ARHGAP4: variants seen among roughly 807,000 people sequenced by gnomAD.
The protein encoded by ARHGAP4 is rho GTPase-activating protein 4.
In ARHGAP4, 25 loss-of-function variants were observed where a neutral mutation model predicts 67.6. The observed-to-expected ratio is 0.37, with a 90% CI of 0.27 to 0.52. ARHGAP4 has a LOEUF of 0.52. Ranked by LOEUF, ARHGAP4 falls within the 20% of genes least tolerant of loss-of-function variation. The pLI is 0.92. For missense variants in ARHGAP4, 804 were observed against 854.6 expected, an observed-to-expected ratio of 0.94 and a Z score of 0.74; for synonymous variants, 448 against 373.7, an observed-to-expected ratio of 1.20 and a Z score of -2.29.
rs368339773 is a variant in ARHGAP4 at position 153,926,107 on chromosome X, C to T, written c.67+29G>A. 8 of 1,198,272 alleles carry T rather than the reference C, an allele frequency of 6.7e-6. No individual in the cohort carries two copies. The East Asian group carries it at 9.1e-5, about 14-fold the overall frequency. ...ACGACCTTGGGTTCTCCGCAGGAAACGGGCCGGGAGCGCCCGGCGCCCTCT... is the reference window on the plus strand; with the variant it reads ...ACGACCTTGGGTTCTCCGCAGGAAATGGGCCGGGAGCGCCCGGCGCCCTCT... On this transcript the variant is annotated intron_variant, in intron 1 of 21. Coordinates refer to ENST00000350060, the MANE Select transcript of ARHGAP4 (RefSeq NM_001666.5).
rs549301187 is a variant in ARHGAP4 at position 153,910,025 on chromosome X, G to A, written c.2217C>T (p.Pro739=). 1.5e-5 allele frequency: 18 copies of A among 1,209,887 alleles called. No homozygotes were observed. Among genetic ancestry groups the A allele is most frequent in the African/African-American group, 5.2e-5 (3 of 57,332 alleles). ...CATCGCCCTCACCATCCTCCTGTGC[G>A]GGCATCTCGGCTTCCAGCTCCGGCT... ...DNEPELEAEM[P]AQEDDLEGVV... is the part of the protein sequence containing the mutation. Residue 739 remains proline (P), a synonymous_variant, in exon 18 of 22, where the codon CCC becomes CCT. Coordinates refer to ENST00000350060, the MANE Select transcript of ARHGAP4 (RefSeq NM_001666.5).
rs782702634 is a variant in ARHGAP4 at position 153,913,288 on chromosome X, A to G, written c.1341T>C (p.Tyr447=). Residue 447 remains tyrosine, a synonymous_variant, in exon 10 of 22, where the codon TAT becomes TAC. Coordinates refer to ENST00000350060, the MANE Select transcript of ARHGAP4 (RefSeq NM_001666.5). ...ETFYLTKLQE[Y]LSGRSILAKL... ...TGGCGAGGATGCTCCGTCCACTCAGATACTCCTGGAGCTTCTGGGCAGCCC... is the reference window on the plus strand; with the variant it reads ...TGGCGAGGATGCTCCGTCCACTCAGGTACTCCTGGAGCTTCTGGGCAGCCC... 2 of 1,180,114 alleles carry G rather than the reference A, an allele frequency of 1.7e-6. No homozygotes were observed. The highest frequency in any genetic ancestry group is 2.3e-6 in the Non-Finnish European group (2 of 879,859).
chrX:153,921,246 G>C lies in ARHGAP4; in HGVS notation c.436-87C>G, dbSNP rs1329688293. The C allele has an allele frequency of 3.4e-6, 4 of 1,177,943 alleles. No individual in the cohort carries two copies. In the Admixed American group the frequency reaches 6.9e-5, roughly 20 times the overall value. ...GCTCTGCCCAGATCAAGCCCCATCGGGGGGGCACACAGGTTCGCTCTGCCT... is the reference window on the plus strand; with the variant it reads ...GCTCTGCCCAGATCAAGCCCCATCGCGGGGGCACACAGGTTCGCTCTGCCT... On this transcript the variant is annotated intron_variant, in intron 3 of 21. Transcript: ENST00000350060.
chrX:153,921,180 G>A lies in ARHGAP4; in HGVS notation c.436-21C>T, dbSNP rs781784799. On this transcript the variant is annotated intron_variant, in intron 3 of 21. Transcript: ENST00000350060. ...CTGCTCTAGAGGCAGAGGCAAGGGTGAGCACGGCACTGCCCAGAGCGGCCC... is the reference window on the plus strand; with the variant it reads ...CTGCTCTAGAGGCAGAGGCAAGGGTAAGCACGGCACTGCCCAGAGCGGCCC... 10 of 1,193,020 alleles carry A rather than the reference G, an allele frequency of 8.4e-6. No individual in the cohort carries two copies. The South Asian group carries it at 1.8e-4, about 22-fold the overall frequency.
At position 153,924,186 on chromosome X, in the gene ARHGAP4, C is replaced by A. The variant is rs1162997982; in HGVS notation, c.67+1950G>T. Reference sequence around the variant, plus strand: ...GGAGCCTGCCCTGCCCTGCTTCCCCCAGAGGAATACAATCCCTGGGGACTT... The same window carrying A: ...GGAGCCTGCCCTGCCCTGCTTCCCCAAGAGGAATACAATCCCTGGGGACTT... On this transcript the variant is annotated intron_variant, in intron 1 of 21. Transcript: ENST00000350060. Among the ~76,000 whole-genome samples, 13 of 112,109 alleles carry A rather than the reference C, an allele frequency of 1.2e-4. No homozygotes were observed. In the East Asian group the frequency reaches 2.5e-3, roughly 22 times the overall value.
chrX:153,909,836 C>T lies in ARHGAP4; in HGVS notation c.2319G>A (p.Leu773=). 16 of 1,202,213 alleles carry T rather than the reference C, an allele frequency of 1.3e-5. No individual in the cohort carries two copies. The highest frequency in any genetic ancestry group is 1.8e-5 in the Non-Finnish European group (16 of 891,256). The change falls in exon 19 of 22, where the codon CTG becomes CTA. Residue 773 remains leucine, a synonymous_variant. Transcript: ENST00000350060. ...QELSFRRGDV[L]RLHERASSDW... ...CGCTCGAGGCCCTCTCGTGCAGCCGCAGTACGTCCCCCCGCCGGAAGCTCA... is the reference window on the plus strand; with the variant it reads ...CGCTCGAGGCCCTCTCGTGCAGCCGTAGTACGTCCCCCCGCCGGAAGCTCA...
chrX:153,913,920 G>C, intron 7 of ARHGAP4, 41 bp from the exon 8 acceptor site: 1 of 1,145,504 alleles, frequency 8.7e-7, no homozygotes. Flanking sequence ...GCTGGGCTTG[G>C]GCAGTAGGTG....
At chrX:153,908,734 G>C (rs1398291460) in intron 21 of ARHGAP4, among the ~76,000 whole-genome samples, 1 of 111,715 alleles carries the variant, frequency 9.0e-6, no homozygotes, top group Non-Finnish European at 1.9e-5. Context: ...CTGCCCTGGA[G>C]TCCCTTGCCT....
intron 21 of ARHGAP4, 96 bp from the exon 22 acceptor site, chrX:153,908,058 C>T (rs1252051064): frequency 2.8e-5 from 21 of 744,198 alleles, no homozygotes; most frequent in Non-Finnish European, 3.9e-5. Flanking sequence ...CAAAGCAAGC[C>T]CTCAGCCAAC....
At chrX:153,913,192 G>C (rs373212160) in intron 10 of ARHGAP4, 26 bp downstream of exon 10, 2 of 1,163,604 alleles carry the variant, frequency 1.7e-6, no homozygotes, top group Non-Finnish European at 2.3e-6. Flanking sequence ...GGGGAGAGGC[G>C]GGGAAGGGGG....
chrX:153,920,644 T>C lies in ARHGAP4; in HGVS notation c.663A>G (p.Gly221=). Residue 221 remains glycine, a synonymous_variant, in exon 5 of 22, where the codon GGA becomes GGG. Transcript: ENST00000350060. ...GGCCCACCTTCTCCACCAGCCTCCC[T>C]CCCTTCTTGAGGGAGCTCTTGCGGA... The part of the protein sequence containing the change: ...GPLRKSSLKK[G]GRLVEKRQAK... The C allele has an allele frequency of 2.5e-6, 3 of 1,206,890 alleles. No homozygotes were observed. The highest frequency in any genetic ancestry group is 3.4e-6 in the Non-Finnish European group (3 of 892,864).
At chrX:153,911,041 C>T in intron 13 of ARHGAP4, 42 bp from the exon 14 acceptor site, 1 of 1,164,292 alleles carries the variant, frequency 8.6e-7, no homozygotes, top group East Asian at 3.3e-5. Flanking sequence ...AGCATCTTCC[C>T]CAGCCCCTCC....
Position 153,909,722 on chromosome X carries a change from G to C in ARHGAP4, c.2414+19C>G. The C allele has an allele frequency of 8.5e-7, 1 of 1,172,794 alleles. No individual in the cohort carries two copies. The highest frequency in any genetic ancestry group is 1.1e-6 in the Non-Finnish European group (1 of 876,149). On this transcript the variant is annotated intron_variant, in intron 19 of 21. Coordinates refer to ENST00000350060, the MANE Select transcript of ARHGAP4 (RefSeq NM_001666.5). The stretch of plus-strand genomic sequence containing the variant: ...GGAGACTCCGGGAGCCCTGGGGCCT[G>C]AGGGCGCGGCTCACTCACCCGGCGG...
At chrX:153,916,403 GGCTCCCTCCA>G (rs1379595430) in intron 7 of ARHGAP4, among the ~76,000 whole-genome samples, 1 of 113,144 alleles carries the variant, frequency 8.8e-6, no homozygotes, top group Non-Finnish European at 1.9e-5. Flanking sequence ...CACGGAGCAG[GGCTCCCTCCA>G]GCAATGGAGA....
Position 153,919,273 on chromosome X carries a change from T to G in ARHGAP4, c.692A>C (p.Lys231Thr). 1 of 1,210,860 alleles carries G rather than the reference T, an allele frequency of 8.3e-7. No homozygotes were observed. The highest frequency in any genetic ancestry group is 2.3e-4 in the Middle Eastern group (1 of 4,354). ...GCACTTGAGTTTGTGCTCCATGAAC[T>G]TGGCCTGCCGCTACTCAAGACAATG... ...GGRLVEKRQA[K>T]FMEHKLKCTK... The change falls in exon 6 of 22, where the codon AAG becomes ACG. Residue 231 changes from lysine to threonine, a missense_variant. By Grantham distance (78) the Lys-to-Thr change is moderately conservative. Coordinates refer to ENST00000350060, the MANE Select transcript of ARHGAP4 (RefSeq NM_001666.5).
At position 153,910,022 on chromosome X, in the gene ARHGAP4, T is replaced by G; in HGVS notation, c.2220A>C (p.Ala740=). The G allele has an allele frequency of 8.3e-7, 1 of 1,211,214 alleles. No homozygotes were observed. The highest frequency in any genetic ancestry group is 1.1e-6 in the Non-Finnish European group (1 of 895,433). The change falls in exon 18 of 22, where the codon GCA becomes GCC. Residue 740 remains alanine (A), a synonymous_variant. Transcript: ENST00000350060. ...GCCCATCGCCCTCACCATCCTCCTG[T>G]GCGGGCATCTCGGCTTCCAGCTCCG... is the stretch of plus-strand genomic sequence containing the variant. ...NEPELEAEMP[A]QEDDLEGVVE...
chrX:153,912,645 G>A, intron 12 of ARHGAP4, 55 bp downstream of exon 12: 6 of 1,050,556 alleles, frequency 5.7e-6, no homozygotes, highest in Non-Finnish European at 7.9e-6. Context: ...GTGACCCAGA[G>A]CTGAAGAAAG....
At chrX:153,918,392 C>T (rs782129490) in intron 7 of ARHGAP4, among the ~76,000 whole-genome samples, 3 of 111,870 alleles carry the variant, frequency 2.7e-5, no homozygotes, top group East Asian at 2.8e-4. Context: ...CTGGTGATGC[C>T]GGACTCTTCG....
At chrX:153,926,099 G>A in intron 1 of ARHGAP4, 37 bp downstream of exon 1, 1 of 1,196,116 alleles carries the variant, frequency 8.4e-7, no homozygotes, top group Non-Finnish European at 1.1e-6. Context: ...TGGGTTCTCC[G>A]CAGGAAACGG....
Sources: allele counts gnomAD v4.1 joint callset (sites outside exome capture counted in the v4.1 genomes callset), GRCh38; gene constraint gnomAD v4.1.1; transcripts MANE v1.5; gene names NCBI Gene and HGNC (gene_info 2026-07-23, HGNC 2026-07-21).